Variants in NAV1 observed in about 807,000 individuals in gnomAD.
The protein encoded by NAV1 is pore membrane and/or filament interacting like protein 3.
NAV1 carries 18 observed loss-of-function variants against 175.2 expected under a neutral mutation model. The observed-to-expected ratio is 0.10, with a 90% confidence interval of 0.07 to 0.15. NAV1 has a LOEUF of 0.15. NAV1 is among the 10% of genes least tolerant of loss of function. NAV1 has a pLI of 1.00. For missense variants in NAV1, 1,731 were observed against 2,436.6 expected (o/e 0.71, Z 6.10); for synonymous variants, 897 against 978.7 (o/e 0.92, Z 1.56).
At chr1:201,636,063 T>G (rs1668610885) in intron 2 of NAV1, among the ~76,000 whole-genome samples, 1 of 152,240 alleles carries the variant, frequency 6.6e-6, no homozygotes. Context: ...TCACCTCCAG[T>G]GCAGCTCTGA....
At chr1:201,760,371 A>T (rs867425387) in intron 3 of NAV1, among the ~76,000 whole-genome samples, 10 of 152,358 alleles carry the variant, frequency 6.6e-5, no homozygotes, top group East Asian at 1.9e-4. Context: ...AAACTTTTTT[A>T]AAAAAGAATA....
At chr1:201,542,707 A>G (rs1225117406) in intron 1 of NAV1, among the ~76,000 whole-genome samples, 1 of 152,188 alleles carries the variant, frequency 6.6e-6, no homozygotes, top group Non-Finnish European at 1.5e-5. Context: ...TGCAGTTCAC[A>G]CTACCACCCC....
intron 1 of NAV1, among the ~76,000 whole-genome samples, chr1:201,693,351 T>G (rs1671038063): frequency 6.6e-6 from 1 of 152,110 alleles, no homozygotes; most frequent in South Asian, 2.1e-4. Context: ...AGGGGCCAGA[T>G]GAAAGGCAGC....
chr1:201,788,738 A>C lies in NAV1; in HGVS notation c.3166+100A>C. 7.6e-7 allele frequency: 1 copy of C among 1,307,506 alleles called. No individual in the cohort carries two copies. The highest frequency in any genetic ancestry group is 1.1e-6 in the Non-Finnish European group (1 of 950,440). The allele number at this position is 1,307,506 out of a possible 1,614,324, so 81.0% of individuals were successfully genotyped here. A position where few individuals can be genotyped will look rare whatever the true frequency, so the allele number is the denominator to read the frequency against. ...ACCACTCCTACCACCACACACATAT[A>C]TGATTCACAGAACATCAAGTTGGGC... On this transcript the variant is annotated intron_variant, in intron 10 of 29. Transcript: ENST00000367296. This position sits in a 1 kb window ranked among gnomAD's most constrained non-coding sequence, Gnocchi z 5.7.
chr1:201,683,074 G>A (rs985970063), intron 1 of NAV1, among the ~76,000 whole-genome samples: 9 of 152,152 alleles, frequency 5.9e-5, no homozygotes, highest in African/African-American at 1.9e-4. Context: ...ATCCCATCTA[G>A]GATAACACAT....
intron 3 of NAV1, among the ~76,000 whole-genome samples, chr1:201,743,864 T>A (rs1673590497): frequency 6.6e-6 from 1 of 152,208 alleles, no homozygotes; most frequent in African/African-American, 2.4e-5. Context: ...TACATAAAAA[T>A]AGACCACTTT....
At chr1:201,573,144 A>G (rs369197774) in intron 1 of NAV1, among the ~76,000 whole-genome samples, 2 of 152,262 alleles carry the variant, frequency 1.3e-5, no homozygotes, top group African/African-American at 4.8e-5. Flanking sequence ...GCATAGGCAC[A>G]TGGCCTGTGC....
intron 1 of NAV1, among the ~76,000 whole-genome samples, chr1:201,564,439 A>AC (rs1183373988): frequency 2.6e-5 from 4 of 152,038 alleles, no homozygotes; most frequent in Admixed American, 2.6e-4. Flanking sequence ...ACATGGCGAA[A>AC]CCCCGTCTCT....
At chr1:201,617,350 T>C (rs1254178573) in intron 2 of NAV1, among the ~76,000 whole-genome samples, 1 of 152,014 alleles carries the variant, frequency 6.6e-6, no homozygotes, top group Non-Finnish European at 1.5e-5. Context: ...CCCTTGAGAC[T>C]CCCCAGACAC....
intron 8 of NAV1, 131 bp downstream of exon 12, chr1:201,785,482 TC>T: frequency 1.1e-6 from 1 of 951,394 alleles, no homozygotes; most frequent in Non-Finnish European, 1.6e-6. Flanking sequence ...TTGTATGTGG[TC>T]CCATACAAGT....
chr1:201,562,171 ATT>A (rs566214709), intron 1 of NAV1, among the ~76,000 whole-genome samples: 14 of 127,208 alleles, frequency 1.1e-4, no homozygotes, highest in Non-Finnish European at 9.6e-5. Context: ...TGCCTGGCTA[ATT>A]TTTTTTTTTT....
At chr1:201,583,879 A>G (rs1362783869) in intron 1 of NAV1, among the ~76,000 whole-genome samples, 1 of 152,208 alleles carries the variant, frequency 6.6e-6, no homozygotes, top group Non-Finnish European at 1.5e-5. Flanking sequence ...TCAGCTTCCC[A>G]GGGAAACTTG....
chr1:201,726,863 G>A (rs1209622251), intron 3 of NAV1, among the ~76,000 whole-genome samples: 1 of 152,156 alleles, frequency 6.6e-6, no homozygotes, highest in Non-Finnish European at 1.5e-5. Flanking sequence ...CCTGTAGTGT[G>A]CAGTTAAATA....
At chr1:201,809,890 G>T in intron 22 of NAV1, 56 bp from the exon 27 acceptor site, 1 of 1,501,600 alleles carries the variant, frequency 6.7e-7, no homozygotes. Flanking sequence ...CTTTGTTGTG[G>T]CTTTTACACC....
chr1:201,581,814 G>A (rs1666871374), intron 1 of NAV1, among the ~76,000 whole-genome samples: 1 of 151,992 alleles, frequency 6.6e-6, no homozygotes, highest in Non-Finnish European at 1.5e-5. Flanking sequence ...GGACGATATA[G>A]CCAGGCTCTG....
intron 3 of NAV1, among the ~76,000 whole-genome samples, chr1:201,748,853 T>G (rs1673929544): frequency 6.6e-6 from 1 of 152,102 alleles, no homozygotes; most frequent in South Asian, 2.1e-4. Context: ...AAAGTTGAAC[T>G]AAGACTCTCT....
Position 201,642,519 on chromosome 1 carries a change from TTC to T in NAV1, c.5-6113_5-6112del, listed in dbSNP as rs1390290413. Among the ~76,000 whole-genome samples, 71 of 99,942 alleles carry T rather than the reference TTC, an allele frequency of 7.1e-4. 3 individuals are homozygous for T. The highest frequency in any genetic ancestry group is 4.0e-3 in the African/African-American group (71 of 17,902). 65.6% of individuals were successfully genotyped at this position (99,942 alleles called of 152,430 possible). On this transcript the variant is annotated intron_variant, in intron 2 of 29. Transcript: ENST00000367302. ...GAGCCACCGCACCCGGCCTCTTTCT[TTC>T]TTTTTTTCTTTCTTTCTTTCTTTCT... is the stretch of plus-strand genomic sequence containing the variant.
intron 1 of NAV1, among the ~76,000 whole-genome samples, chr1:201,558,338 G>C (rs7355020): frequency 6.6e-6 from 1 of 152,106 alleles, no homozygotes; most frequent in Admixed American, 6.5e-5. Context: ...TCGGGGAAAT[G>C]AATGAGCCCA....
intron 14 of NAV1, 33 bp downstream of exon 18, chr1:201,793,908 G>GGGCC: frequency 2.0e-6 from 1 of 492,388 alleles, no homozygotes. Flanking sequence ...GGAGGGGTGG[G>GGGCC]TGCGGCGAGG....
Sources: gnomAD v4.1 joint callset for allele counts (sites outside exome capture counted in the v4.1 genomes callset) on GRCh38, gnomAD v4.1.1 for gene constraint, Gnocchi (gnomAD v3.1) non-coding constraint, MANE v1.5 for transcripts, NCBI Gene and HGNC (gene_info 2026-07-23, HGNC 2026-07-21) for gene names.